EYA4: variants seen among roughly 807,000 people sequenced by gnomAD.
The protein encoded by EYA4 is protein phosphatase EYA4.
Under a neutral mutation model 87.9 loss-of-function variants are expected in EYA4, and 31 were observed. The observed-to-expected ratio is 0.35, with a 90% CI of 0.27 to 0.48. The LOEUF (loss-of-function observed/expected upper bound fraction) is 0.48. Among genes scored for constraint, EYA4 ranks in the 20% least tolerant of loss-of-function variants. The probability of loss-of-function intolerance (pLI) is 0.99; values close to 1 mark genes in which losing one functional copy is unlikely to be tolerated. For missense variants in EYA4, 678 were observed against 761.4 expected (o/e 0.89, Z 1.29); for synonymous variants, 263 against 270.6 (o/e 0.97, Z 0.28).
chr6:133,523,265 A>G, intron 18 of EYA4, 88 bp downstream of exon 18: 1 of 1,354,396 alleles, frequency 7.4e-7, no homozygotes, highest in East Asian at 2.3e-5. Context: ...TTCACTTAGT[A>G]CATGAAACAA....
chr6:133,435,835 G>T (rs1046124225), intron 3 of EYA4, among the ~76,000 whole-genome samples: 1 of 142,654 alleles, frequency 7.0e-6, no homozygotes, highest in Admixed American at 7.4e-5. Context: ...ATGTGCACGC[G>T]TGTACACACA....
intron 2 of EYA4, among the ~76,000 whole-genome samples, chr6:133,316,154 T>A (rs1582933535): frequency 6.6e-6 from 1 of 152,246 alleles, no homozygotes; most frequent in East Asian, 1.9e-4. Flanking sequence ...AGCTGAAAAC[T>A]CCCTAATTCT....
At chr6:133,258,008 A>G (rs1008336685) in intron 1 of EYA4, among the ~76,000 whole-genome samples, 1 of 152,196 alleles carries the variant, frequency 6.6e-6, no homozygotes, top group African/African-American at 2.4e-5. Context: ...TATTTCTTCA[A>G]AGAAACTCAT....
At chr6:133,367,088 T>C (rs1439814989) in intron 2 of EYA4, among the ~76,000 whole-genome samples, 1 of 152,154 alleles carries the variant, frequency 6.6e-6, no homozygotes, top group Non-Finnish European at 1.5e-5. Context: ...AGATGAAGGG[T>C]GCTTGATAGA....
At chr6:133,426,383 G>T (rs1790677851) in intron 3 of EYA4, among the ~76,000 whole-genome samples, 1 of 152,180 alleles carries the variant, frequency 6.6e-6, no homozygotes, top group Non-Finnish European at 1.5e-5. Context: ...TGATCATCAA[G>T]TTGTAATATC....
chr6:133,305,997 G>T (rs1287797841), intron 2 of EYA4, among the ~76,000 whole-genome samples: 1 of 151,846 alleles, frequency 6.6e-6, no homozygotes, highest in Non-Finnish European at 1.5e-5. Context: ...TTGTGTGTGT[G>T]TATTTGTTCT....
intron 13 of EYA4, among the ~76,000 whole-genome samples, chr6:133,486,455 G>A (rs1356372271): frequency 1.3e-5 from 2 of 151,838 alleles, no homozygotes; most frequent in African/African-American, 4.9e-5. Flanking sequence ...GTAAACTAGA[G>A]CCCCTCAGAC....
At chr6:133,430,072 A>C (rs994851365) in intron 3 of EYA4, among the ~76,000 whole-genome samples, 4 of 152,018 alleles carry the variant, frequency 2.6e-5, no homozygotes, top group African/African-American at 9.7e-5. Context: ...CTTTATGTCC[A>C]TGAGTACTCA....
chr6:133,376,466 G>A (rs1257506296), intron 2 of EYA4, among the ~76,000 whole-genome samples: 1 of 151,782 alleles, frequency 6.6e-6, no homozygotes, highest in Non-Finnish European at 1.5e-5. Flanking sequence ...TTTTGAAAAT[G>A]TCTTCTTACA....
At chr6:133,485,824 A>G (rs1174632305) in intron 13 of EYA4, among the ~76,000 whole-genome samples, 1 of 152,226 alleles carries the variant, frequency 6.6e-6, no homozygotes, top group Non-Finnish European at 1.5e-5. Flanking sequence ...AAAGAATCAG[A>G]GGCACTATTG....
intron 2 of EYA4, among the ~76,000 whole-genome samples, chr6:133,323,371 T>C (rs1055230543): frequency 2.0e-5 from 3 of 151,998 alleles, no homozygotes; most frequent in Non-Finnish European, 4.4e-5. Context: ...GTTGCCTAGG[T>C]TTCTAAGTTT....
At chr6:133,459,402 T>C (rs1000206286) in intron 6 of EYA4, among the ~76,000 whole-genome samples, 1 of 152,114 alleles carries the variant, frequency 6.6e-6, no homozygotes, top group Non-Finnish European at 1.5e-5. Flanking sequence ...CTATGTCTTA[T>C]TTATAAAAGG....
At chr6:133,441,653 G>A (rs1431164728) in intron 3 of EYA4, among the ~76,000 whole-genome samples, 14 of 151,988 alleles carry the variant, frequency 9.2e-5, no homozygotes, top group African/African-American at 3.1e-4. Flanking sequence ...TGGTCTGGTG[G>A]AAAAAAATGG....
At chr6:133,507,754 T>A (rs1172714221) in intron 14 of EYA4, among the ~76,000 whole-genome samples, 1 of 152,218 alleles carries the variant, frequency 6.6e-6, no homozygotes, top group African/African-American at 2.4e-5. Context: ...ATGTGCCACA[T>A]TTTCTTTATC....
intron 1 of EYA4, among the ~76,000 whole-genome samples, chr6:133,266,783 T>C (rs1017831582): frequency 6.6e-6 from 1 of 152,148 alleles, no homozygotes; most frequent in Non-Finnish European, 1.5e-5. Context: ...AAGAAAAATC[T>C]TTTAGGAAAG....
intron 2 of EYA4, among the ~76,000 whole-genome samples, chr6:133,343,555 A>AT (rs1782962323): frequency 7.8e-6 from 1 of 128,774 alleles, no homozygotes; most frequent in Non-Finnish European, 1.7e-5. Context: ...CACCACCAGC[A>AT]CCCCCGCCAC....
intron 2 of EYA4, among the ~76,000 whole-genome samples, chr6:133,339,828 G>C (rs1782650754): frequency 6.6e-6 from 1 of 152,216 alleles, no homozygotes; most frequent in Admixed American, 6.5e-5. Flanking sequence ...GGTAGCCAAA[G>C]TGGATAAAAA....
chr6:133,456,686 G>A (rs1232704952), intron 6 of EYA4, 38 bp downstream of exon 6: 14 of 1,234,470 alleles, frequency 1.1e-5, no homozygotes, highest in Admixed American at 1.7e-5. Flanking sequence ...CGTACACATG[G>A]GGGTGCATCC....
At chr6:133,491,257 A>G (rs1278758463) in intron 13 of EYA4, among the ~76,000 whole-genome samples, 2 of 152,184 alleles carry the variant, frequency 1.3e-5, no homozygotes, top group African/African-American at 4.8e-5. Flanking sequence ...TCAAAAAAAG[A>G]AAAACTTCAA....
Sources: allele counts gnomAD v4.1 joint callset (sites outside exome capture counted in the v4.1 genomes callset), GRCh38; gene constraint gnomAD v4.1.1; transcripts MANE v1.5; gene names NCBI Gene and HGNC (gene_info 2026-07-23, HGNC 2026-07-21).